Variants in FSTL5 observed in about 807,000 individuals in gnomAD.
FSTL5 encodes the protein follistatin-related protein 5.
A neutral mutation model predicts 89.1 loss-of-function variants in FSTL5; 62 were observed. That is an observed-to-expected ratio of 0.70 (90% CI 0.57 to 0.86). FSTL5 has a LOEUF of 0.86. Among genes scored for constraint, FSTL5 ranks in the 40% least tolerant of loss-of-function variants. The probability of loss-of-function intolerance (pLI) is 0.00; values close to 1 mark genes in which losing one functional copy is unlikely to be tolerated. For missense variants in FSTL5, 1,057 were observed against 1,001.6 expected (o/e 1.06, Z -0.75); for synonymous variants, 383 against 346.2 (o/e 1.11, Z -1.18).
chr4:161,639,991 C>A (rs920397423), intron 7 of FSTL5, among the ~76,000 whole-genome samples: 10 of 151,968 alleles, frequency 6.6e-5, no homozygotes, highest in African/African-American at 2.2e-4. Context: ...CTTTTTGGAA[C>A]AAGACTTTAA....
chr4:162,148,100 A>G (rs1213175162), intron 1 of FSTL5, among the ~76,000 whole-genome samples: 1 of 152,208 alleles, frequency 6.6e-6, no homozygotes, highest in Admixed American at 6.5e-5. Flanking sequence ...TTAAGCCACA[A>G]CCTGAGTTAC....
intron 3 of FSTL5, among the ~76,000 whole-genome samples, chr4:161,941,966 A>G (rs1013764941): frequency 5.3e-5 from 8 of 152,016 alleles, no homozygotes; most frequent in Admixed American, 5.2e-4. Flanking sequence ...CAATGAAATA[A>G]AATAGAAATA....
At chr4:161,933,995 C>G (rs975833485) in intron 3 of FSTL5, among the ~76,000 whole-genome samples, 3 of 151,962 alleles carry the variant, frequency 2.0e-5, no homozygotes, top group Non-Finnish European at 4.4e-5. Flanking sequence ...CTAATAACTA[C>G]CATTTTTCTA....
chr4:161,546,307 T>TATATAC lies in FSTL5; in HGVS notation c.1016-3615_1016-3614insGTATAT, dbSNP rs946148658. Among the ~76,000 whole-genome samples, 18 of 148,286 alleles carry TATATAC rather than the reference T, an allele frequency of 1.2e-4. No individual in the cohort carries two copies. The South Asian group carries it at 1.3e-3, about 10-fold the overall frequency. On this transcript the variant is annotated intron_variant, in intron 8 of 15. Coordinates refer to ENST00000306100, the MANE Select transcript of FSTL5 (RefSeq NM_020116.5). ...TATATACATATTATATATATATATA[T>TATATAC]ACACATATATAAAACTGAAGAGAGC...
chr4:162,040,818 T>TCTTAA (rs10680013), intron 2 of FSTL5, among the ~76,000 whole-genome samples: 14,104 of 152,024 alleles, frequency 0.093, 769 homozygotes, highest in Non-Finnish European at 0.12. Context: ...TTATTATTTA[T>TCTTAA]CTTTTTTTTT....
chr4:161,975,821 T>C (rs1183883680), intron 3 of FSTL5, among the ~76,000 whole-genome samples: 1 of 148,804 alleles, frequency 6.7e-6, no homozygotes, highest in Non-Finnish European at 1.5e-5. Flanking sequence ...AAAAAAAAGA[T>C]TATCTCCAAG....
In FSTL5 at chr4:161,616,871, T is replaced by TA. The variant is rs1198208966; in HGVS notation, c.895-29297dup. On this transcript the variant is annotated intron_variant, in intron 7 of 15. Transcript: ENST00000306100. ...CCCTGGAACTTAACATTAAATAAAA[T>TA]AAAAAAACAAAAAGAAACCAGAGTA... Among the ~76,000 whole-genome samples, 45 of 150,052 alleles carry TA rather than the reference T, an allele frequency of 3.0e-4. 1 individual carries two copies. Among genetic ancestry groups the TA allele is most frequent in the Admixed American group, 2.8e-3 (42 of 14,922 alleles).
chr4:161,627,875 C>T (rs1735368134), intron 7 of FSTL5, among the ~76,000 whole-genome samples: 1 of 151,990 alleles, frequency 6.6e-6, no homozygotes, highest in Non-Finnish European at 1.5e-5. Context: ...TATATACTGT[C>T]ACGGTCATAC....
chr4:161,534,828 C>A (rs1245267639), intron 10 of FSTL5, among the ~76,000 whole-genome samples: 1 of 152,046 alleles, frequency 6.6e-6, no homozygotes, highest in Non-Finnish European at 1.5e-5. Flanking sequence ...CACTATACTA[C>A]AGGGAGACAG....
chr4:161,878,034 T>G (rs1215542353), intron 4 of FSTL5, among the ~76,000 whole-genome samples: 1 of 152,090 alleles, frequency 6.6e-6, no homozygotes, highest in Non-Finnish European at 1.5e-5. Flanking sequence ...TGTATTTATG[T>G]GTGTCTTAAA....
intron 10 of FSTL5, among the ~76,000 whole-genome samples, chr4:161,537,615 T>C (rs745308079): frequency 1.4e-4 from 21 of 152,082 alleles, no homozygotes; most frequent in African/African-American, 4.6e-4. Context: ...TCAGACAACA[T>C]GAACCATGAT....
At chr4:161,973,933 C>T (rs1254486404) in intron 3 of FSTL5, among the ~76,000 whole-genome samples, 1 of 152,050 alleles carries the variant, frequency 6.6e-6, no homozygotes, top group East Asian at 1.9e-4. Flanking sequence ...AATCAATGTA[C>T]AAAAATCACA....
intron 3 of FSTL5, among the ~76,000 whole-genome samples, chr4:161,995,555 C>T (rs185362237): frequency 1.3e-4 from 20 of 152,156 alleles, no homozygotes; most frequent in Admixed American, 3.3e-4. Context: ...CTTAAGCAGA[C>T]GGACCAGGGT....
At chr4:161,388,120 C>T (rs1159407142) in intron 15 of FSTL5, 1 of 151,976 alleles carries the variant, frequency 6.6e-6, no homozygotes, top group Non-Finnish European at 1.5e-5. Flanking sequence ...ATTTCTTGTT[C>T]CATGTATTTG....
At chr4:161,617,124 T>C (rs1734901645) in intron 7 of FSTL5, among the ~76,000 whole-genome samples, 1 of 151,802 alleles carries the variant, frequency 6.6e-6, no homozygotes, top group Admixed American at 6.6e-5. Flanking sequence ...AGATGGATGA[T>C]TCAGCTGAAA....
At chr4:161,706,193 C>T (rs1012820157) in intron 6 of FSTL5, among the ~76,000 whole-genome samples, 3 of 150,848 alleles carry the variant, frequency 2.0e-5, no homozygotes, top group African/African-American at 4.9e-5. Context: ...CATTATCTAT[C>T]AAATCATTTG....
intron 3 of FSTL5, among the ~76,000 whole-genome samples, chr4:161,977,308 C>T (rs1185334957): frequency 1.2e-4 from 18 of 151,956 alleles, no homozygotes; most frequent in African/African-American, 4.1e-4. Flanking sequence ...TATTTTACCA[C>T]AATTTGAAAA....
chr4:161,786,897 T>A (rs145515260), intron 4 of FSTL5, among the ~76,000 whole-genome samples: 1 of 152,278 alleles, frequency 6.6e-6, no homozygotes, highest in Non-Finnish European at 1.5e-5. Context: ...AATTTCTCAG[T>A]ATTACACATT....
At chr4:161,799,695 T>A (rs1202641362) in intron 4 of FSTL5, among the ~76,000 whole-genome samples, 1 of 151,686 alleles carries the variant, frequency 6.6e-6, no homozygotes, top group African/African-American at 2.4e-5. Context: ...TATTTATTCA[T>A]CATTACCATT....
Sources: gnomAD v4.1 joint callset for allele counts (sites outside exome capture counted in the v4.1 genomes callset) on GRCh38, gnomAD v4.1.1 for gene constraint, MANE v1.5 for transcripts, NCBI Gene and HGNC (gene_info 2026-07-23, HGNC 2026-07-21) for gene names.